KLF12: variants seen among roughly 807,000 people sequenced by gnomAD.
KLF12 encodes the protein Krueppel-like factor 12.
Under a neutral mutation model 37.8 loss-of-function variants are expected in KLF12, and 9 were observed. The observed-to-expected ratio is 0.24, with a 90% CI of 0.14 to 0.42. The LOEUF (loss-of-function observed/expected upper bound fraction) is 0.42, where lower values mean the gene tolerates loss of function less well. Among genes scored for constraint, KLF12 ranks in the 10% least tolerant of loss-of-function variants. The pLI, the probability that KLF12 is intolerant of heterozygous loss-of-function variation, is 1.00. For synonymous variants in KLF12, 208 were observed against 202.1 expected (o/e 1.03, Z -0.25); for missense variants, 411 against 516.0 (o/e 0.80, Z 1.97).
chr13:74,033,544 C>T (rs573331627), intron 1 of KLF12, among the ~76,000 whole-genome samples: 109 of 152,204 alleles, frequency 7.2e-4, no homozygotes, highest in Non-Finnish European at 1.3e-3. Context: ...AGATCCTTGA[C>T]ACAAATGCTA....
chr13:73,750,597 G>A (rs1566341134), intron 6 of KLF12, among the ~76,000 whole-genome samples: 1 of 152,106 alleles, frequency 6.6e-6, no homozygotes, highest in Non-Finnish European at 1.5e-5. Context: ...TGATGGGTGG[G>A]GGGACTGCAG....
intron 3 of KLF12, among the ~76,000 whole-genome samples, chr13:73,897,975 T>C (rs1887866353): frequency 6.6e-6 from 1 of 152,196 alleles, no homozygotes; most frequent in African/African-American, 2.4e-5. Context: ...AACTTTAAGT[T>C]CTTCAAGATT....
chr13:74,289,498 G>A, the KLF12 span, among the ~76,000 whole-genome samples: 1 of 152,116 alleles, frequency 6.6e-6, no homozygotes, highest in Non-Finnish European at 1.5e-5. Context: ...CAGCCATTTC[G>A]GCCCAACTCC....
At chr13:74,281,485 G>A in the KLF12 span, among the ~76,000 whole-genome samples, 77 of 152,280 alleles carry the variant, frequency 5.1e-4, no homozygotes, top group East Asian at 0.012. Context: ...AGTTCTTAGA[G>A]AAATAGGGAT....
upstream of KLF12, among the ~76,000 whole-genome samples, chr13:74,134,946 CG>C (rs1289253253): frequency 6.6e-6 from 1 of 151,766 alleles, no homozygotes; most frequent in African/African-American, 2.4e-5. Flanking sequence ...CGGAGCCGGC[CG>C]GGACTGTGGG....
intron 2 of KLF12, among the ~76,000 whole-genome samples, chr13:73,989,989 A>G (rs568763162): frequency 4.6e-4 from 70 of 152,266 alleles, no homozygotes; most frequent in African/African-American, 1.5e-3. Flanking sequence ...ACGTAATACA[A>G]TAACAGAAAA....
the KLF12 span, among the ~76,000 whole-genome samples, chr13:74,304,112 C>T: frequency 3.9e-5 from 6 of 152,230 alleles, no homozygotes; most frequent in South Asian, 2.1e-4. Flanking sequence ...TGTGATTTTT[C>T]GGAACCCAAG....
At chr13:74,288,576 G>A in the KLF12 span, among the ~76,000 whole-genome samples, 232 of 152,268 alleles carry the variant, frequency 1.5e-3, no homozygotes, top group African/African-American at 5.0e-3. Flanking sequence ...GGTTTGCCAA[G>A]GTAGGGCAGG....
the KLF12 span, among the ~76,000 whole-genome samples, chr13:74,190,692 CTCTTA>C: frequency 6.6e-6 from 1 of 152,182 alleles, no homozygotes; most frequent in Admixed American, 6.5e-5. Flanking sequence ...ATTTAAGTGT[CTCTTA>C]TGTTTCAGGT....
At chr13:73,715,041 A>G (rs1875694415) in intron 7 of KLF12, among the ~76,000 whole-genome samples, 1 of 152,176 alleles carries the variant, frequency 6.6e-6, no homozygotes, top group African/African-American at 2.4e-5. Flanking sequence ...ACTTTAAGAG[A>G]GAGAATAATT....
intron 3 of KLF12, among the ~76,000 whole-genome samples, chr13:73,905,769 A>G (rs937404359): frequency 6.7e-6 from 1 of 149,836 alleles, no homozygotes; most frequent in Admixed American, 6.6e-5. Flanking sequence ...AACATCCATC[A>G]GAAGTTTTTA....
chr13:73,736,176 C>T (rs183781430), intron 6 of KLF12, among the ~76,000 whole-genome samples: 11 of 152,216 alleles, frequency 7.2e-5, no homozygotes, highest in Non-Finnish European at 1.5e-4. Flanking sequence ...GTTTATGCCT[C>T]TAACTCACCT....
the KLF12 span, among the ~76,000 whole-genome samples, chr13:74,139,430 A>C: frequency 6.6e-6 from 1 of 152,232 alleles, no homozygotes; most frequent in African/African-American, 2.4e-5. Context: ...ATACGTTAAA[A>C]CACAATTTAG....
intron 3 of KLF12, among the ~76,000 whole-genome samples, chr13:73,888,655 C>A (rs1336137895): frequency 6.6e-6 from 1 of 152,094 alleles, no homozygotes; most frequent in Admixed American, 6.5e-5. Context: ...ATGCACATAT[C>A]TTATTGGGAC....
chr13:73,740,830 A>G (rs12874102), intron 6 of KLF12, among the ~76,000 whole-genome samples: 34,821 of 152,124 alleles, frequency 0.23, 5,050 homozygotes, highest in East Asian at 0.32. Context: ...CCTCTGTAGC[A>G]TGTCAGTGTG....
intron 5 of KLF12, among the ~76,000 whole-genome samples, chr13:73,802,647 T>A (rs1882342610): frequency 6.6e-6 from 1 of 152,108 alleles, no homozygotes; most frequent in Non-Finnish European, 1.5e-5. Flanking sequence ...TAGTTCCCAG[T>A]GTCTACTGTT....
intron 3 of KLF12, among the ~76,000 whole-genome samples, chr13:73,906,813 T>G (rs908280506): frequency 2.6e-5 from 4 of 152,226 alleles, no homozygotes; most frequent in African/African-American, 9.6e-5. Context: ...TCTGTCTGCT[T>G]CTTCTGAAAG....
At chr13:73,767,917 G>A (rs888097408) in intron 5 of KLF12, among the ~76,000 whole-genome samples, 10 of 152,190 alleles carry the variant, frequency 6.6e-5, no homozygotes, top group African/African-American at 2.4e-4. Context: ...ACCCCCTGGT[G>A]ACTGGAGGTG....
chr13:73,963,551 C>T (rs1025180207), intron 2 of KLF12, among the ~76,000 whole-genome samples: 8 of 152,188 alleles, frequency 5.3e-5, no homozygotes, highest in Admixed American at 2.0e-4. Flanking sequence ...TAGGACAAGT[C>T]ATTCAACAAT....
Sources: allele counts gnomAD v4.1 joint callset (sites outside exome capture counted in the v4.1 genomes callset), GRCh38; gene constraint gnomAD v4.1.1; transcripts MANE v1.5; gene names NCBI Gene and HGNC (gene_info 2026-07-23, HGNC 2026-07-21).